The following SP140 variants were observed in gnomAD, a reference collection of about 807,000 sequenced individuals.
SP140 encodes SP140 nuclear body protein, also known as nuclear body protein SP140.
Under a neutral mutation model 125.0 loss-of-function variants are expected in SP140, and 81 were observed. The observed-to-expected ratio is 0.65, with a 90% CI of 0.54 to 0.78. The LOEUF (loss-of-function observed/expected upper bound fraction) is 0.78. SP140 is among the 30% of genes least tolerant of loss of function. The probability of loss-of-function intolerance (pLI) is 0.00; values close to 1 mark genes in which losing one functional copy is unlikely to be tolerated. For missense variants in SP140, 858 were observed against 1,037.0 expected (o/e 0.83, Z 2.37); for synonymous variants, 312 against 354.0 (o/e 0.88, Z 1.33).
At chr2:230,298,792 T>G (rs1407926110) in intron 22 of SP140, among the ~76,000 whole-genome samples, 1 of 152,222 alleles carries the variant, frequency 6.6e-6, no homozygotes, top group African/African-American at 2.4e-5. Context: ...TATAATTTAA[T>G]CATTCTGGAC....
intron 12 of SP140, among the ~76,000 whole-genome samples, chr2:230,264,721 A>C (rs2052786386): frequency 6.6e-6 from 1 of 152,122 alleles, no homozygotes; most frequent in Admixed American, 6.5e-5. Flanking sequence ...CTGTGAGCCA[A>C]ACTGCAGTAA....
chr2:230,244,243 C>T (rs538863779), intron 5 of SP140, among the ~76,000 whole-genome samples: 6 of 152,170 alleles, frequency 3.9e-5, no homozygotes, highest in African/African-American at 1.4e-4. Context: ...TTTTGGCAAA[C>T]AAGATGTCAT....
At chr2:230,213,174 C>A in intron 1 of SP140, 2 of 788,444 alleles carry the variant, frequency 2.5e-6, no homozygotes, top group Non-Finnish European at 4.3e-6. Flanking sequence ...TCATTGTCAT[C>A]ATTATCCATT....
intron 21 of SP140, 23 bp from the exon 22 acceptor site, chr2:230,297,398 C>T: frequency 6.2e-7 from 1 of 1,611,456 alleles, no homozygotes; most frequent in Non-Finnish European, 8.5e-7. Flanking sequence ...TATCATAAAT[C>T]AATCTTTCTG....
chr2:230,232,516 C>T (rs1450573123), intron 1 of SP140, among the ~76,000 whole-genome samples: 1 of 152,162 alleles, frequency 6.6e-6, no homozygotes, highest in Non-Finnish European at 1.5e-5. Flanking sequence ...AATGTCTTTG[C>T]GTGTTGAAGC....
At chr2:230,305,828 C>T (rs568397212) in intron 22 of SP140, among the ~76,000 whole-genome samples, 10 of 152,360 alleles carry the variant, frequency 6.6e-5, no homozygotes, top group Middle Eastern at 3.4e-3. Context: ...AACAAAGGGC[C>T]GCCAGAGGCC....
chr2:230,231,007 CTG>C (rs1308394469), intron 1 of SP140, among the ~76,000 whole-genome samples: 1 of 152,092 alleles, frequency 6.6e-6, no homozygotes, highest in Non-Finnish European at 1.5e-5. Context: ...CTTCAATTCA[CTG>C]ATTCTTTCCT....
chr2:230,198,241 G>C (rs2042969610), upstream of SP140, among the ~76,000 whole-genome samples: 1 of 152,128 alleles, frequency 6.6e-6, no homozygotes, highest in South Asian at 2.1e-4. Context: ...AGAATGTGGA[G>C]AGCTGCAATG....
At chr2:230,202,855 C>T, upstream of SP140, 2 of 869,452 alleles carry the variant, frequency 2.3e-6, no homozygotes, top group Admixed American at 1.8e-5. Context: ...TACCCCTGTA[C>T]CTCACTTTTC....
At chr2:230,236,967 C>A in intron 1 of SP140, 116 bp from the exon 2 acceptor site, 1 of 689,404 alleles carries the variant, frequency 1.5e-6, no homozygotes. Flanking sequence ...TACAAGAATG[C>A]TTATTTTATA....
intron 5 of SP140, 88 bp from the exon 6 acceptor site, chr2:230,244,900 G>A: frequency 1.1e-6 from 1 of 892,204 alleles, no homozygotes; most frequent in Non-Finnish European, 1.8e-6. Context: ...TTTTTGCAAG[G>A]AGAAGCTCAC....
chr2:230,202,041 A>C (rs755494610), upstream of SP140, among the ~76,000 whole-genome samples: 1 of 152,236 alleles, frequency 6.6e-6, no homozygotes, highest in Non-Finnish European at 1.5e-5. Context: ...GTAGGAATCC[A>C]GCTGTCTTTT....
chr2:230,279,685 A>T lies in SP140; in HGVS notation c.1499-4661A>T, dbSNP rs556369085. ...TGTTTTAACAAATGTGTGCAGTTAT[A>T]TAAATACCTCCACAATCATGACATG... is the stretch of plus-strand genomic sequence containing the variant. On this transcript the variant is annotated intron_variant, in intron 15 of 26. Coordinates refer to ENST00000392045, the MANE Select transcript of SP140 (RefSeq NM_007237.5). Among the ~76,000 whole-genome samples the T allele has an allele frequency of 5.9e-5, 9 of 152,326 alleles. No homozygotes were observed. The South Asian group carries it at 1.7e-3, about 28-fold the overall frequency.
At chr2:230,238,826 G>A (rs141302786) in intron 3 of SP140, 901 of 1,555,464 alleles carry the variant, frequency 5.8e-4, no homozygotes, top group Non-Finnish European at 7.4e-4. Context: ...GAGAAGTCAC[G>A]AAGAGAGCCT....
intron 18 of SP140, among the ~76,000 whole-genome samples, chr2:230,288,513 CTTTCT>C (rs375200435): frequency 0.044 from 4,740 of 107,538 alleles, 128 homozygotes; most frequent in Middle Eastern, 0.074. Flanking sequence ...TTCTTTCTTT[CTTTCT>C]TTCTTTTTTT....
upstream of SP140, chr2:230,225,654 T>G (rs776632244): frequency 1.5e-6 from 1 of 649,724 alleles, no homozygotes; most frequent in Non-Finnish European, 2.8e-6. Context: ...CTCCCTTGAC[T>G]GAGAGACGTC....
chr2:230,224,485 G>A (rs2046091815), upstream of SP140, among the ~76,000 whole-genome samples: 1 of 150,398 alleles, frequency 6.6e-6, no homozygotes, highest in South Asian at 2.1e-4. Flanking sequence ...GAGAGAGAGG[G>A]AGAGAGAGGG....
chr2:230,234,198 G>A (rs571301235), intron 1 of SP140, among the ~76,000 whole-genome samples: 11 of 152,120 alleles, frequency 7.2e-5, no homozygotes, highest in Non-Finnish European at 1.5e-4. Context: ...AATCTCAACG[G>A]GTCACCAGCC....
intron 12 of SP140, among the ~76,000 whole-genome samples, chr2:230,257,008 G>T (rs2051327435): frequency 6.6e-6 from 1 of 152,112 alleles, no homozygotes; most frequent in South Asian, 2.1e-4. Flanking sequence ...ATGTGACACG[G>T]GTGTTTGATA....
Sources: gnomAD v4.1 joint callset for allele counts (sites outside exome capture counted in the v4.1 genomes callset) on GRCh38, gnomAD v4.1.1 for gene constraint, MANE v1.5 for transcripts, NCBI Gene and HGNC (gene_info 2026-07-23, HGNC 2026-07-21) for gene names.